Variants in SPPL2B observed in about 807,000 individuals in gnomAD.
The protein encoded by SPPL2B is signal peptide peptidase-like 2B.
A neutral mutation model predicts 59.7 loss-of-function variants in SPPL2B; 39 were observed. The observed-to-expected ratio is 0.65, with a 90% confidence interval of 0.51 to 0.85. The LOEUF is 0.85. Ranked by LOEUF, SPPL2B falls within the 40% of genes least tolerant of loss-of-function variation. The pLI is 0.00. For missense variants in SPPL2B, 865 were observed against 849.0 expected, an observed-to-expected ratio of 1.02 and a Z score of -0.23; for synonymous variants, 419 against 370.8, an observed-to-expected ratio of 1.13 and a Z score of -1.49.
intron 5 of SPPL2B, 85 bp from the exon 6 acceptor site, chr19:2,339,739 C>A: frequency 6.6e-7 from 1 of 1,512,278 alleles, no homozygotes; most frequent in Non-Finnish European, 9.0e-7. Context: ...GTTTTCTGCC[C>A]CGTTCCCCCG....
intron 10 of SPPL2B, 71 bp downstream of exon 10, chr19:2,344,110 C>A: frequency 1.1e-6 from 1 of 935,688 alleles, no homozygotes; most frequent in Non-Finnish European, 1.5e-6. Context: ...CCCGCCCCAT[C>A]ACCCCCCCCA....
intron 1 of SPPL2B, among the ~76,000 whole-genome samples, chr19:2,333,033 C>T (rs1968365391): frequency 2.2e-5 from 1 of 45,136 alleles, no homozygotes; most frequent in Non-Finnish European, 3.9e-5. Flanking sequence ...GGAGGGGGAG[C>T]AGGAGGAGGG....
At chr19:2,349,123 CCA>C (rs1272775837) in intron 13 of SPPL2B, among the ~76,000 whole-genome samples, 2 of 119,202 alleles carry the variant, frequency 1.7e-5, no homozygotes, top group East Asian at 2.7e-4. Context: ...TTCTCTCCCT[CCA>C]CACACACTCG....
intron 13 of SPPL2B, among the ~76,000 whole-genome samples, chr19:2,346,929 C>T (rs1256077074): frequency 1.3e-5 from 2 of 152,144 alleles, no homozygotes; most frequent in African/African-American, 4.8e-5. Flanking sequence ...AGAAAAAGTG[C>T]CGGGAGCAGT....
chr19:2,343,880 C>G (rs1375735087), intron 9 of SPPL2B, 85 bp from the exon 10 acceptor site: 2 of 1,056,964 alleles, frequency 1.9e-6, no homozygotes, highest in African/African-American at 3.2e-5. Context: ...GGCTGCCTCC[C>G]AGGAGGAGGC....
At chr19:2,340,784 CAG>C in intron 7 of SPPL2B, 112 bp from the exon 8 acceptor site, 1 of 631,580 alleles carries the variant, frequency 1.6e-6, no homozygotes, top group Non-Finnish European at 2.8e-6. Context: ...ATGAGGACAA[CAG>C]AGTGGGGGCT....
chr19:2,344,985 A>T (rs962320364), intron 12 of SPPL2B, among the ~76,000 whole-genome samples: 3 of 152,032 alleles, frequency 2.0e-5, no homozygotes, highest in Non-Finnish European at 4.4e-5. Flanking sequence ...GAAGGCAGAG[A>T]CTGTACCCTC....
chr19:2,340,821 C>A, intron 7 of SPPL2B, 77 bp from the exon 8 acceptor site: 1 of 831,876 alleles, frequency 1.2e-6, no homozygotes, highest in Non-Finnish European at 1.9e-6. Context: ...GGTGCCTGGG[C>A]CGGTCCCAAG....
rs1158703367 is a variant in SPPL2B at position 2,334,916 on chromosome 19, C to A, written c.186+195C>A. ...TGGTCATCAATGCAAGCTGTCCATG[C>A]GGCCTTGGGGTGCAGATCCAGAGGC... On this transcript the variant is annotated intron_variant, in intron 2 of 14. Coordinates refer to ENST00000613503, the MANE Select transcript of SPPL2B (RefSeq NM_152988.3). Among the ~76,000 whole-genome samples the A allele has an allele frequency of 2.0e-5, 3 of 152,238 alleles. No individual in the cohort carries two copies. The East Asian group carries it at 5.8e-4, about 29-fold the overall frequency.
chr19:2,344,134 T>A, intron 10 of SPPL2B, 95 bp downstream of exon 10: 1 of 291,776 alleles, frequency 3.4e-6, no homozygotes, highest in Non-Finnish European at 5.5e-6. Flanking sequence ...CCCCGCCCCC[T>A]CGTCCCGCCC....
rs1969169936 is a variant in SPPL2B, at chr19:2,343,363, G to A, written c.1038+71G>A. ...GGCCCTTCATCCTAGCCTGGCCCGT[G>A]TGGGGCTGTGGTCCTTGCAGGTCTG... is the stretch of plus-strand genomic sequence containing the variant. On this transcript the variant is annotated intron_variant, in intron 9 of 14. Coordinates refer to ENST00000613503, the MANE Select transcript of SPPL2B (RefSeq NM_152988.3). 31 of 1,271,702 alleles carry A rather than the reference G, an allele frequency of 2.4e-5. No individual in the cohort carries two copies. In the South Asian group the frequency reaches 4.0e-4, roughly 16 times the overall value. The allele number at this position is 1,271,702 out of a possible 1,614,324, so 78.8% of individuals were successfully genotyped here. A position where few individuals can be genotyped will look rare whatever the true frequency, so the allele number is the denominator to read the frequency against.
At chr19:2,340,751 C>T (rs1968980511) in intron 7 of SPPL2B, 147 bp from the exon 8 acceptor site, 1 of 605,646 alleles carries the variant, frequency 1.7e-6, no homozygotes, top group Non-Finnish European at 2.9e-6. Context: ...CTACTGTTGT[C>T]ATCGTGTGGG....
At chr19:2,333,207 A>G (rs1459620833) in intron 1 of SPPL2B, among the ~76,000 whole-genome samples, 35 of 17,490 alleles carry the variant, frequency 2.0e-3, no homozygotes, top group Non-Finnish European at 3.1e-3. Flanking sequence ...CTCTGCTGGG[A>G]GGGGAGCAGG....
chr19:2,344,584 ACTC>A lies in SPPL2B; in HGVS notation c.1212_1214del (p.Ser405del), dbSNP rs747778024. The A allele has an allele frequency of 2.5e-6, 4 of 1,612,498 alleles. No homozygotes were observed. The highest frequency in any genetic ancestry group is 1.3e-5 in the African/African-American group (1 of 74,636). Reference sequence around the variant, plus strand: ...ATGGTCCTGAAGGTGCCCAGGCTGAACTCCTCACCTCTGGCCCTGTGTGACCGG... The same window carrying A: ...ATGGTCCTGAAGGTGCCCAGGCTGAACTCACCTCTGGCCCTGTGTGACCGG... On this transcript the variant is annotated inframe_deletion, in exon 12 of 15. Coordinates refer to ENST00000613503, the MANE Select transcript of SPPL2B (RefSeq NM_152988.3).
At chr19:2,345,376 C>G (rs765128687) in intron 13 of SPPL2B, 46 bp downstream of exon 13, 2 of 1,543,122 alleles carry the variant, frequency 1.3e-6, no homozygotes, top group South Asian at 1.1e-5. Context: ...GGCTCCAGCC[C>G]CACCCCGACT....
chr19:2,348,564 G>T (rs375326366), intron 13 of SPPL2B, among the ~76,000 whole-genome samples: 1 of 136,070 alleles, frequency 7.3e-6, no homozygotes, highest in Non-Finnish European at 1.6e-5. Flanking sequence ...GCGTGATTCC[G>T]TTCTCTCTCC....
intron 1 of SPPL2B, chr19:2,330,613 ATG>A (rs1464390109): frequency 6.6e-6 from 1 of 152,188 alleles, no homozygotes; most frequent in African/African-American, 2.4e-5. Flanking sequence ...ACCCTGAAAG[ATG>A]TCACCACCAA....
chr19:2,344,199 G>A (rs1429805153), intron 10 of SPPL2B, among the ~76,000 whole-genome samples, 160 bp downstream of exon 10: 5 of 73,726 alleles, frequency 6.8e-5, no homozygotes, highest in African/African-American at 2.2e-4. Flanking sequence ...CCATCACCCC[G>A]CTCACCTCCA....
chr19:2,329,929 G>A (rs979758026), intron 1 of SPPL2B, among the ~76,000 whole-genome samples: 7 of 151,986 alleles, frequency 4.6e-5, no homozygotes, highest in Non-Finnish European at 8.8e-5. Context: ...AGCTTTCTGA[G>A]AACCCCAGTC....
Sources: allele counts gnomAD v4.1 joint callset (sites outside exome capture counted in the v4.1 genomes callset), GRCh38; gene constraint gnomAD v4.1.1; transcripts MANE v1.5; gene names NCBI Gene and HGNC (gene_info 2026-07-23, HGNC 2026-07-21).